The following CACNB4 variants were observed in gnomAD, a reference collection of about 807,000 sequenced individuals.
CACNB4 encodes the protein calcium voltage-gated channel auxiliary subunit beta 4.
In CACNB4, 32 loss-of-function variants were observed where a neutral mutation model predicts 71.2. The ratio of observed to expected loss-of-function variants is 0.45; its 90% CI spans 0.34 to 0.60. The LOEUF (loss-of-function observed/expected upper bound fraction) is 0.60, where lower values mean the gene tolerates loss of function less well. Ranked by LOEUF, CACNB4 falls within the 20% of genes least tolerant of loss-of-function variation. The probability of loss-of-function intolerance (pLI) is 0.01; values close to 1 mark genes in which losing one functional copy is unlikely to be tolerated. For missense variants in CACNB4, 464 were observed against 647.9 expected (o/e 0.72, Z 3.08); for synonymous variants, 231 against 236.9 (o/e 0.97, Z 0.23).
chr2:151,929,140 C>T (rs141157391), intron 2 of CACNB4, among the ~76,000 whole-genome samples: 14 of 152,090 alleles, frequency 9.2e-5, no homozygotes, highest in African/African-American at 3.4e-4. Context: ...CTACTCAGTC[C>T]TCCTACTACT....
intron 4 of CACNB4, chr2:151,880,532 G>A (rs921436526): frequency 6.7e-6 from 3 of 444,740 alleles, no homozygotes; most frequent in African/African-American, 6.1e-5. Context: ...ATTTAAAGGT[G>A]CCCAGAGGAC....
At chr2:152,061,384 T>C (rs1466499807) in intron 2 of CACNB4, among the ~76,000 whole-genome samples, 1 of 152,122 alleles carries the variant, frequency 6.6e-6, no homozygotes, top group Non-Finnish European at 1.5e-5. Flanking sequence ...ATTAGTATTG[T>C]CCAAATTTAG....
intron 2 of CACNB4, among the ~76,000 whole-genome samples, chr2:151,980,718 A>G (rs941801718): frequency 1.3e-5 from 2 of 152,242 alleles, no homozygotes; most frequent in African/African-American, 4.8e-5. Flanking sequence ...GAAAACCCAG[A>G]ACATGAGCAT....
chr2:152,014,779 A>T (rs1380121006), intron 2 of CACNB4, among the ~76,000 whole-genome samples: 2 of 151,624 alleles, frequency 1.3e-5, no homozygotes, highest in Non-Finnish European at 2.9e-5. Context: ...AAACTGTCTT[A>T]AAAAAAAGTC....
intron 2 of CACNB4, among the ~76,000 whole-genome samples, chr2:152,018,649 A>C (rs1410877422): frequency 6.6e-6 from 1 of 152,094 alleles, no homozygotes; most frequent in African/African-American, 2.4e-5. Flanking sequence ...CAGAAAATAC[A>C]AAAATTATCT....
intron 2 of CACNB4, among the ~76,000 whole-genome samples, chr2:152,027,871 A>AG (rs1684064807): frequency 6.7e-6 from 1 of 148,564 alleles, no homozygotes; most frequent in Non-Finnish European, 1.5e-5. Flanking sequence ...AAAAAAAAAA[A>AG]AAAAAGCCAA....
intron 2 of CACNB4, among the ~76,000 whole-genome samples, chr2:151,990,814 C>T (rs1473546378): frequency 6.6e-6 from 1 of 152,136 alleles, no homozygotes; most frequent in East Asian, 1.9e-4. Context: ...CAGAGACTCT[C>T]CCAAGGAATG....
intron 2 of CACNB4, among the ~76,000 whole-genome samples, chr2:151,917,084 CCAAA>C (rs1345303016): frequency 6.6e-6 from 1 of 152,162 alleles, no homozygotes; most frequent in African/African-American, 2.4e-5. Context: ...TATTTACCAA[CCAAA>C]CAAATATAGC....
intron 9 of CACNB4, chr2:151,867,087 T>C (rs906689279): frequency 1.3e-5 from 2 of 152,244 alleles, no homozygotes; most frequent in African/African-American, 4.8e-5. Context: ...ATAAGTATGT[T>C]ATAGACCAAA....
At chr2:152,061,997 G>A (rs906442528) in intron 2 of CACNB4, among the ~76,000 whole-genome samples, 16 of 135,820 alleles carry the variant, frequency 1.2e-4, no homozygotes, top group African/African-American at 3.8e-4. Flanking sequence ...GGGTGACAGA[G>A]TGAGATTCCA....
At chr2:151,958,356 G>T (rs1294720520) in intron 2 of CACNB4, among the ~76,000 whole-genome samples, 1 of 152,198 alleles carries the variant, frequency 6.6e-6, no homozygotes, top group African/African-American at 2.4e-5. Flanking sequence ...CTGGTAACCG[G>T]GAGTCCCAGC....
At chr2:152,053,678 C>T (rs1156454793) in intron 2 of CACNB4, among the ~76,000 whole-genome samples, 4 of 152,052 alleles carry the variant, frequency 2.6e-5, no homozygotes, top group Non-Finnish European at 5.9e-5. Context: ...CACATGCTAC[C>T]ATGCTCAGCT....
At chr2:151,975,349 C>G (rs1192311281) in intron 2 of CACNB4, among the ~76,000 whole-genome samples, 2 of 152,238 alleles carry the variant, frequency 1.3e-5, no homozygotes, top group Non-Finnish European at 2.9e-5. Flanking sequence ...CATAGTTCTT[C>G]CAGGTCTGTG....
rs560608541 is a variant in CACNB4 at position 151,915,558 on chromosome 2, C to G, written c.148-32188G>C. ...AGCTGAGAGGCTGTAAGAATGTGCTCGTGGCCAGGCACAGTGGCTCATGCA... is the reference window on the plus strand; with the variant it reads ...AGCTGAGAGGCTGTAAGAATGTGCTGGTGGCCAGGCACAGTGGCTCATGCA... On this transcript the variant is annotated intron_variant, in intron 2 of 13. Coordinates refer to ENST00000539935, the MANE Select transcript of CACNB4 (RefSeq NM_000726.5). Among the ~76,000 whole-genome samples, 5 of 152,266 alleles carry G rather than the reference C, an allele frequency of 3.3e-5. No homozygotes were observed. In the East Asian group the frequency reaches 9.7e-4, roughly 29 times the overall value.
chr2:151,986,445 A>G (rs1365032384), intron 2 of CACNB4, among the ~76,000 whole-genome samples: 1 of 152,134 alleles, frequency 6.6e-6, no homozygotes, highest in Non-Finnish European at 1.5e-5. Context: ...GAGGTTTACC[A>G]AGATGTGAAA....
At chr2:151,891,833 T>C (rs2099850776) in intron 2 of CACNB4, among the ~76,000 whole-genome samples, 1 of 152,148 alleles carries the variant, frequency 6.6e-6, no homozygotes, top group Non-Finnish European at 1.5e-5. Flanking sequence ...AGCTTTACTA[T>C]ATACAGGTCA....
intron 2 of CACNB4, among the ~76,000 whole-genome samples, chr2:151,994,804 T>C (rs1280904112): frequency 6.6e-6 from 1 of 151,948 alleles, no homozygotes; most frequent in Non-Finnish European, 1.5e-5. Flanking sequence ...ATTTTTCTTT[T>C]CTTTCTTTCT....
At chr2:151,998,099 G>GA (rs765531419) in intron 2 of CACNB4, among the ~76,000 whole-genome samples, 5 of 152,070 alleles carry the variant, frequency 3.3e-5, no homozygotes, top group Non-Finnish European at 7.4e-5. Context: ...AAGGTGGGGG[G>GA]ATCGCCTGAG....
chr2:152,083,348 G>A (rs1560188300), intron 2 of CACNB4, among the ~76,000 whole-genome samples: 1 of 98,852 alleles, frequency 1.0e-5, no homozygotes, highest in Non-Finnish European at 1.8e-5. Context: ...AAGGAAGGAA[G>A]GAAGGGAGGA....
Sources: allele counts gnomAD v4.1 joint callset (sites outside exome capture counted in the v4.1 genomes callset), GRCh38; gene constraint gnomAD v4.1.1; transcripts MANE v1.5; gene names NCBI Gene and HGNC (gene_info 2026-07-23, HGNC 2026-07-21).